STXBP5L: variants seen among roughly 807,000 people sequenced by gnomAD.
The protein encoded by STXBP5L is syntaxin-binding protein 5-like.
Under a neutral mutation model 144.5 loss-of-function variants are expected in STXBP5L, and 65 were observed. That is an observed-to-expected ratio of 0.45 (90% confidence interval 0.37 to 0.55). The LOEUF is 0.55. STXBP5L is among the 20% of genes least tolerant of loss of function. The pLI, the probability that STXBP5L is intolerant of heterozygous loss-of-function variation, is 0.00. For synonymous variants in STXBP5L, 505 were observed against 469.6 expected (o/e 1.08, Z -0.97); for missense variants, 1,298 against 1,405.5 (o/e 0.92, Z 1.22).
intron 5 of STXBP5L, among the ~76,000 whole-genome samples, chr3:121,056,209 A>T (rs986740000): frequency 6.6e-6 from 1 of 152,178 alleles, no homozygotes; most frequent in Non-Finnish European, 1.5e-5. Flanking sequence ...TTTGTAATGC[A>T]TGATCTGAGT....
intron 3 of STXBP5L, among the ~76,000 whole-genome samples, chr3:121,033,438 G>C (rs1946517410): frequency 1.8e-5 from 2 of 114,094 alleles, no homozygotes; most frequent in South Asian, 3.8e-4. Flanking sequence ...GGGGGAGGGG[G>C]GAGGGATAGC....
chr3:121,182,970 G>A (rs972098701), intron 9 of STXBP5L, among the ~76,000 whole-genome samples: 1 of 152,184 alleles, frequency 6.6e-6, no homozygotes, highest in Non-Finnish European at 1.5e-5. Flanking sequence ...TCATAATCAA[G>A]TGAGTTTCAT....
intron 20 of STXBP5L, among the ~76,000 whole-genome samples, chr3:121,345,195 T>C (rs1053715005): frequency 2.6e-5 from 4 of 151,978 alleles, no homozygotes; most frequent in African/African-American, 9.7e-5. Flanking sequence ...GTGTGTGATG[T>C]TCCTCACCCT....
At chr3:121,046,553 T>A (rs1050445673) in intron 5 of STXBP5L, among the ~76,000 whole-genome samples, 16 of 152,154 alleles carry the variant, frequency 1.1e-4, no homozygotes, top group South Asian at 2.1e-4. Context: ...TATTGGTCTG[T>A]CCAGGGATTC....
intron 9 of STXBP5L, among the ~76,000 whole-genome samples, chr3:121,181,202 C>T (rs887521062): frequency 2.0e-5 from 3 of 150,810 alleles, no homozygotes; most frequent in African/African-American, 7.3e-5. Flanking sequence ...CAGTATCTCA[C>T]GTCTCAGTAC....
chr3:121,014,120 G>C (rs1944974131), intron 3 of STXBP5L, among the ~76,000 whole-genome samples: 1 of 151,862 alleles, frequency 6.6e-6, no homozygotes, highest in Admixed American at 6.6e-5. Flanking sequence ...TGGCTATTCA[G>C]GCTCTTTTGG....
rs1249433077 is a variant in STXBP5L at position 120,990,696 on chromosome 3, C to A, written c.287+35659C>A. Among the ~76,000 whole-genome samples, 4 of 152,160 alleles carry A rather than the reference C, an allele frequency of 2.6e-5. No individual in the cohort carries two copies. In the East Asian group the frequency reaches 5.8e-4, roughly 22 times the overall value. ...TGCCGGATATTTACAACTATCTGAT[C>A]TTTGACAAACGTGACAAAAACAAGA... is the stretch of plus-strand genomic sequence containing the variant. On this transcript the variant is annotated intron_variant, in intron 3 of 26. Transcript: ENST00000471454.
chr3:120,950,625 G>T (rs1029670931), intron 2 of STXBP5L, among the ~76,000 whole-genome samples: 2 of 151,966 alleles, frequency 1.3e-5, no homozygotes, highest in Non-Finnish European at 2.9e-5. Context: ...ATGCTGGTGC[G>T]CTGCACCCAC....
In STXBP5L at chr3:121,404,947, G is replaced by A. The variant is rs192226207; in HGVS notation, c.2588-2296G>A. On this transcript the variant is annotated intron_variant, in intron 22 of 26. Coordinates refer to ENST00000471454, the MANE Select transcript of STXBP5L (RefSeq NM_001308330.2). Reference sequence around the variant, plus strand: ...CTGAAACTCTAAGTTCAAGGTGCCAGCAGGGCAGATGTCTAGTGAGGTCTC... The same window carrying A: ...CTGAAACTCTAAGTTCAAGGTGCCAACAGGGCAGATGTCTAGTGAGGTCTC... Among the ~76,000 whole-genome samples the A allele has an allele frequency of 1.4e-4, 21 of 152,268 alleles. No homozygotes were observed. In the East Asian group the frequency reaches 2.1e-3, roughly 15 times the overall value.
At chr3:121,311,831 G>C (rs568457942) in intron 19 of STXBP5L, among the ~76,000 whole-genome samples, 10 of 152,158 alleles carry the variant, frequency 6.6e-5, no homozygotes, top group African/African-American at 2.4e-4. Flanking sequence ...TCACAGAATT[G>C]GAAAAAACTA....
Position 121,407,367 on chromosome 3 carries a change from T to C in STXBP5L, c.2712T>C (p.Ser904=), listed in dbSNP as rs1403275859. Residue 904 remains serine, a synonymous_variant, in exon 23 of 27, where the codon TCT becomes TCC. Transcript: ENST00000471454. Reference sequence around the variant, plus strand: ...ACAACATAGATGAAAATGAAAAATCTTGGAGAAGGAAAGTGGTAATGAACT... The same window carrying C: ...ACAACATAGATGAAAATGAAAAATCCTGGAGAAGGAAAGTGGTAATGAACT... ...DPNNIDENEK[S]WRRKVVMNSS... 2.5e-6 allele frequency: 4 copies of C among 1,612,836 alleles called. No individual in the cohort carries two copies. Among genetic ancestry groups the C allele is most frequent in the Non-Finnish European group, 3.4e-6 (4 of 1,179,326 alleles).
At chr3:121,279,661 G>C in intron 18 of STXBP5L, 144 bp from the exon 19 acceptor site, 1 of 815,658 alleles carries the variant, frequency 1.2e-6, no homozygotes, top group Non-Finnish European at 1.9e-6. Flanking sequence ...TAAAGGCAAG[G>C]CATCCTTCTT....
At chr3:121,355,945 TC>T (rs1221024376) in intron 20 of STXBP5L, among the ~76,000 whole-genome samples, 1 of 152,246 alleles carries the variant, frequency 6.6e-6, no homozygotes, top group Non-Finnish European at 1.5e-5. Flanking sequence ...ACAGTCAGGT[TC>T]CTCAGCTGGT....
chr3:121,366,191 C>A (rs1303796764), intron 20 of STXBP5L, among the ~76,000 whole-genome samples: 1 of 151,872 alleles, frequency 6.6e-6, no homozygotes, highest in African/African-American at 2.4e-5. Flanking sequence ...TATGGCCTAT[C>A]CTGGAGGATG....
At position 121,421,095 on chromosome 3, in the gene STXBP5L, A is replaced by G. The variant is rs1455298762; in HGVS notation, c.*1998A>G. 1 of 152,176 alleles carries G rather than the reference A, an allele frequency of 6.6e-6. No individual in the cohort carries two copies. The highest frequency in any genetic ancestry group is 1.5e-5 in the Non-Finnish European group (1 of 68,020). The allele number at this position is 152,176 out of a possible 1,614,324, so 9.4% of individuals were successfully genotyped here. ...GGTAAAAATATTAAAGAAACTTAAGAGTAGGATCTAGAAAATACTAGTGGC... is the reference window on the plus strand; with the variant it reads ...GGTAAAAATATTAAAGAAACTTAAGGGTAGGATCTAGAAAATACTAGTGGC... On this transcript the variant is annotated 3_prime_UTR_variant, in exon 27 of 27. Coordinates refer to ENST00000471454, the MANE Select transcript of STXBP5L (RefSeq NM_001308330.2).
intron 2 of STXBP5L, among the ~76,000 whole-genome samples, chr3:120,920,331 G>A (rs1247499213): frequency 6.6e-6 from 1 of 151,262 alleles, no homozygotes; most frequent in African/African-American, 2.4e-5. Context: ...ATGATTTGGG[G>A]TACTTTCCTG....
intron 6 of STXBP5L, among the ~76,000 whole-genome samples, chr3:121,118,309 A>G (rs1395938282): frequency 2.0e-5 from 3 of 151,812 alleles, no homozygotes; most frequent in Non-Finnish European, 3.0e-5. Flanking sequence ...AGATTGTTAC[A>G]TCTATGCTGA....
intron 3 of STXBP5L, among the ~76,000 whole-genome samples, chr3:120,995,221 C>G (rs184160548): frequency 2.0e-5 from 3 of 152,258 alleles, no homozygotes; most frequent in South Asian, 4.1e-4. Context: ...GATCATGGCT[C>G]ACAGCAACCT....
chr3:121,077,614 G>C (rs1413405917), intron 5 of STXBP5L, among the ~76,000 whole-genome samples: 1 of 152,136 alleles, frequency 6.6e-6, no homozygotes, highest in Non-Finnish European at 1.5e-5. Context: ...TGGGCAGCCT[G>C]CTTTTATTCT....
Sources: gnomAD v4.1 joint callset for allele counts (sites outside exome capture counted in the v4.1 genomes callset) on GRCh38, gnomAD v4.1.1 for gene constraint, MANE v1.5 for transcripts, NCBI Gene and HGNC (gene_info 2026-07-23, HGNC 2026-07-21) for gene names.